Variants in DUSP6 observed in about 807,000 individuals in gnomAD.
DUSP6 encodes the protein dual specificity protein phosphatase 6.
A neutral mutation model predicts 28.0 loss-of-function variants in DUSP6; 6 were observed. The observed-to-expected ratio is 0.21, with a 90% confidence interval of 0.12 to 0.42. DUSP6 has a LOEUF of 0.42. Among genes scored for constraint, DUSP6 ranks in the 10% least tolerant of loss-of-function variants. The pLI, the probability that DUSP6 is intolerant of heterozygous loss-of-function variation, is 1.00. For synonymous variants in DUSP6, 252 were observed against 217.5 expected (o/e 1.16, Z -1.40); for missense variants, 451 against 498.1 (o/e 0.91, Z 0.90).
rs1592767156 is a variant in DUSP6 at position 89,351,024 on chromosome 12, A to T, written c.402T>A (p.Gly134=). 1.3e-6 allele frequency: 2 copies of T among 1,577,970 alleles called. No individual in the cohort carries two copies. Among genetic ancestry groups the T allele is most frequent in the East Asian group, 2.3e-5 (1 of 43,636 alleles). Residue 134 remains glycine (G), a splice_region_variant and synonymous_variant, in exon 2 of 3, where the codon GGT becomes GGA. Coordinates refer to ENST00000279488, the MANE Select transcript of DUSP6 (RefSeq NM_001946.4). ...ACTCGGCTTGGAACTTACTGAAGCC[A>T]CCTGCCAGAACGAGAAAAGCAATCA... ...DEGCRAFYLE[G]GFSKFQAEFS... is the part of the protein sequence containing the mutation.
At position 89,352,167 on chromosome 12, in the gene DUSP6, G is replaced by A. The variant is rs1367450610; in HGVS notation, c.-128C>T. 2.1e-6 allele frequency: 3 copies of A among 1,406,500 alleles called. No individual in the cohort carries two copies. The highest frequency in any genetic ancestry group is 1.9e-6 in the Non-Finnish European group (2 of 1,045,074). 87.1% of individuals were successfully genotyped at this position (1,406,500 alleles called of 1,614,324 possible). On this transcript the variant is annotated 5_prime_UTR_variant, in exon 1 of 3. Transcript: ENST00000279488. ...TTTAATTCCGCCTCGCCTTACCCAAGCCGAGGCTAGCGGTTGGGGCAGACG... is the reference window on the plus strand; with the variant it reads ...TTTAATTCCGCCTCGCCTTACCCAAACCGAGGCTAGCGGTTGGGGCAGACG...
Position 89,352,092 on chromosome 12 carries a change from A to T in DUSP6, c.-53T>A. On this transcript the variant is annotated 5_prime_UTR_variant, in exon 1 of 3. Coordinates refer to ENST00000279488, the MANE Select transcript of DUSP6 (RefSeq NM_001946.4). ...GTGCCTACCAGACGCCCCTCGGGGCAGGCATAGGCCGAGCGCACCGCGCGC... is the reference window on the plus strand; with the variant it reads ...GTGCCTACCAGACGCCCCTCGGGGCTGGCATAGGCCGAGCGCACCGCGCGC... 3 of 1,557,326 alleles carry T rather than the reference A, an allele frequency of 1.9e-6. No homozygotes were observed. The highest frequency in any genetic ancestry group is 1.7e-6 in the Non-Finnish European group (2 of 1,149,872).
chr12:89,350,524 A>T (rs1432577030), intron 2 of DUSP6, 64 bp downstream of exon 2: 1 of 1,490,704 alleles, frequency 6.7e-7, no homozygotes, highest in Non-Finnish European at 9.2e-7. Context: ...AACAGCTTAA[A>T]CTCTATGAAT....
Position 89,351,885 on chromosome 12 carries a change from G to A in DUSP6, c.155C>T (p.Ser52Leu), listed in dbSNP as rs768064247. 3.7e-6 allele frequency: 6 copies of A among 1,612,544 alleles called. No homozygotes were observed. The highest frequency in any genetic ancestry group is 2.2e-5 in the South Asian group (2 of 91,088). ...QELYESSHIE[S>L]AINVAIPGIM... is the part of the protein sequence containing the mutation. ...GCCCGGGATGGCCACGTTGATGGCC[G>A]ACTCGATGTGCGACGACTCGTATAG... The change falls in exon 1 of 3, where the codon TCG (serine) becomes TTG (leucine). Residue 52 changes from serine to leucine, a missense_variant. Ser to Leu is a moderately radical substitution (Grantham distance 145, BLOSUM62 -2). This residue lies in a region of DUSP6 where 347 missense variants were observed against 346.6 expected (regional missense o/e 1.00). Coordinates refer to ENST00000279488, the MANE Select transcript of DUSP6 (RefSeq NM_001946.4).
In DUSP6 at chr12:89,351,669, T is replaced by C; in HGVS notation, c.371A>G (p.Asp124Gly). Residue 124 changes from aspartate (D) to glycine (G), a missense_variant, in exon 1 of 3, where the codon GAC becomes GGC. Physicochemically the swap from Asp to Gly is moderately conservative, Grantham distance 94 (BLOSUM62 -1). This residue lies in a region of DUSP6 where 347 missense variants were observed against 346.6 expected (regional missense o/e 1.00). Coordinates refer to ENST00000279488, the MANE Select transcript of DUSP6 (RefSeq NM_001946.4). ...CAGGTAGAACGCCCGGCAGCCCTCG[T>C]CCTTGAGCTTCTTGAGCAGCAGCCC... ...VLGLLLKKLK[D>G]EGCRAFYLEG... The C allele has an allele frequency of 3.1e-6, 5 of 1,607,540 alleles. No homozygotes were observed. Among genetic ancestry groups the C allele is most frequent in the Non-Finnish European group, 4.2e-6 (5 of 1,177,564 alleles).
At chr12:89,351,275 T>G (rs1310114105) in intron 1 of DUSP6, 1 of 606,896 alleles carries the variant, frequency 1.6e-6, no homozygotes, top group Non-Finnish European at 2.8e-6. Context: ...TGGAATATTT[T>G]GAGAGCTAAG....
At chr12:89,351,053 A>T in intron 1 of DUSP6, 28 bp from the exon 2 acceptor site, 1 of 1,546,652 alleles carries the variant, frequency 6.5e-7, no homozygotes, top group Non-Finnish European at 8.7e-7. Context: ...GCAATCATCT[A>T]ACCTGAGAAG....
chr12:89,349,015 G>C lies in DUSP6; in HGVS notation c.*239C>G. ...CCCTGCATGGGTAGGCTGTACACAT[G>C]GGTACAGAGCAAACCTACTGCCTGT... On this transcript the variant is annotated 3_prime_UTR_variant, in exon 3 of 3. Coordinates refer to ENST00000279488, the MANE Select transcript of DUSP6 (RefSeq NM_001946.4). The C allele has an allele frequency of 2.0e-6, 1 of 499,562 alleles. No individual in the cohort carries two copies. Among genetic ancestry groups the C allele is most frequent in the Admixed American group, 3.3e-5 (1 of 29,886 alleles). 30.9% of individuals were successfully genotyped at this position (499,562 alleles called of 1,614,324 possible).
Position 89,352,327 on chromosome 12 carries a change from A to C in DUSP6, c.-288T>G. 4.5e-6 allele frequency: 2 copies of C among 445,644 alleles called. No homozygotes were observed. Among genetic ancestry groups the C allele is most frequent in the Non-Finnish European group, 8.1e-6 (2 of 245,970 alleles). The allele number at this position is 445,644 out of a possible 1,614,324, so 27.6% of individuals were successfully genotyped here. On this transcript the variant is annotated 5_prime_UTR_variant, in exon 1 of 3. Transcript: ENST00000279488. ...AGTGAATGAAATCCAATTAATTCGG[A>C]CTCCGTGCTACTGAGAGGGGAGGAA...
Position 89,351,621 on chromosome 12 carries a change from G to T in DUSP6, c.400+19C>A, listed in dbSNP as rs773372664. ...CGCCCCTAGCCCTGCCCCGCGCGCGGAGTTCCCTGGGCGCGTACCTTCCAG... is the reference window on the plus strand; with the variant it reads ...CGCCCCTAGCCCTGCCCCGCGCGCGTAGTTCCCTGGGCGCGTACCTTCCAG... On this transcript the variant is annotated intron_variant, in intron 1 of 2. Transcript: ENST00000279488. 63 of 1,581,672 alleles carry T rather than the reference G, an allele frequency of 4.0e-5. No homozygotes were observed. Among genetic ancestry groups the T allele is most frequent in the Non-Finnish European group, 1.2e-5 (14 of 1,162,066 alleles).
intron 1 of DUSP6, chr12:89,351,290 G>T: frequency 1.7e-6 from 1 of 587,444 alleles, no homozygotes; most frequent in Non-Finnish European, 3.0e-6. Flanking sequence ...GCTAAGATGT[G>T]CCAATTTGCA....
Position 89,348,516 on chromosome 12 carries a change from A to G in DUSP6, c.*738T>C, listed in dbSNP as rs762291221. ...CATGAAAAAGACTAAAGACTTCGCC[A>G]TAACAAGGTCTTAGTGATAATAGTG... On this transcript the variant is annotated 3_prime_UTR_variant, in exon 3 of 3. Coordinates refer to ENST00000279488, the MANE Select transcript of DUSP6 (RefSeq NM_001946.4). 1 of 152,440 alleles carries G rather than the reference A, an allele frequency of 6.6e-6. No individual in the cohort carries two copies. Among genetic ancestry groups the G allele is most frequent in the Non-Finnish European group, 1.5e-5 (1 of 68,042 alleles). 9.4% of individuals were successfully genotyped at this position (152,440 alleles called of 1,614,324 possible).
rs749296285 is a variant in DUSP6, at chr12:89,349,577, G to A, written c.839-16C>T. ...CGGGCTTCATCTGTGAACACAAAAAGAAAAGCAAGATCTCAGCAGACTGAA... is the reference window on the plus strand; with the variant it reads ...CGGGCTTCATCTGTGAACACAAAAAAAAAAGCAAGATCTCAGCAGACTGAA... On this transcript the variant is annotated splice_polypyrimidine_tract_variant and intron_variant, in intron 2 of 2. Coordinates refer to ENST00000279488, the MANE Select transcript of DUSP6 (RefSeq NM_001946.4). 1.4e-5 allele frequency: 22 copies of A among 1,590,110 alleles called. No homozygotes were observed. Among genetic ancestry groups the A allele is most frequent in the Admixed American group, 1.7e-5 (1 of 58,050 alleles).
chr12:89,349,897 T>C lies in DUSP6; in HGVS notation c.839-336A>G, dbSNP rs1468085499. ...TACACAGACAACCAGACTGCAAGGG[T>C]CTATTAAATTATGCTCCAAATGTTG... On this transcript the variant is annotated intron_variant, in intron 2 of 2. Transcript: ENST00000279488. Among the ~76,000 whole-genome samples, 4 of 152,230 alleles carry C rather than the reference T, an allele frequency of 2.6e-5. No homozygotes were observed. The South Asian group carries it at 6.2e-4, about 24-fold the overall frequency.
Position 89,348,360 on chromosome 12 carries a change from T to C in DUSP6, c.*894A>G, listed in dbSNP as rs551036963. 3 of 152,790 alleles carry C rather than the reference T, an allele frequency of 2.0e-5. No individual in the cohort carries two copies. Among genetic ancestry groups the C allele is most frequent in the South Asian group, 2.1e-4 (1 of 4,832 alleles). 9.5% of individuals were successfully genotyped at this position (152,790 alleles called of 1,614,324 possible). On this transcript the variant is annotated 3_prime_UTR_variant, in exon 3 of 3. Coordinates refer to ENST00000279488, the MANE Select transcript of DUSP6 (RefSeq NM_001946.4). Reference sequence around the variant, plus strand: ...CACAGCTGAAGGTTTTTTTATTCTTTCTTTTTTTAAAGTGAGCCCATGATT... The same window carrying C: ...CACAGCTGAAGGTTTTTTTATTCTTCCTTTTTTTAAAGTGAGCCCATGATT...
chr12:89,349,826 G>A (rs747387034), intron 2 of DUSP6, among the ~76,000 whole-genome samples: 1 of 152,090 alleles, frequency 6.6e-6, no homozygotes, highest in Non-Finnish European at 1.5e-5. Context: ...TCTTTGCCTC[G>A]GCATGTGAAT....
chr12:89,349,291 T>C lies in DUSP6; in HGVS notation c.1109A>G (p.Gln370Arg). The C allele has an allele frequency of 6.2e-7, 1 of 1,613,940 alleles. No individual in the cohort carries two copies. Among genetic ancestry groups the C allele is most frequent in the South Asian group, 1.1e-5 (1 of 91,084 alleles). Residue 370 changes from glutamine (Q) to arginine (R), a missense_variant, in exon 3 of 3, where the codon CAG becomes CGG. This residue lies in a region of DUSP6 where 104 missense variants were observed against 151.4 expected (regional missense o/e 0.69). Transcript: ENST00000279488. ...CAGAGAGTCCACCTGGTATACATTCTGGTTGGAAGGGGTGGTAAAATACAG... is the reference window on the plus strand; with the variant it reads ...CAGAGAGTCCACCTGGTATACATTCCGGTTGGAAGGGGTGGTAAAATACAG... ...QQLYFTTPSN[Q>R]NVYQVDSLQS...
rs1565876043 is a variant in DUSP6, at chr12:89,352,018, C to T, written c.22G>A (p.Val8Met). 2 of 1,612,340 alleles carry T rather than the reference C, an allele frequency of 1.2e-6. No homozygotes were observed. The highest frequency in any genetic ancestry group is 1.7e-6 in the Non-Finnish European group (2 of 1,179,448). The change falls in exon 1 of 3, where the codon GTG becomes ATG. Residue 8 changes from valine (V) to methionine (M), a missense_variant. Val to Met is a conservative substitution (Grantham distance 21, BLOSUM62 1). Transcript: ENST00000279488. MIDTLRP[V>M]PFASEMAISK... ...ATCGCCATTTCCGACGCGAAGGGCACGGGTCTGAGCGTATCTATCATGGGG... is the reference window on the plus strand; with the variant it reads ...ATCGCCATTTCCGACGCGAAGGGCATGGGTCTGAGCGTATCTATCATGGGG...
At position 89,350,748 on chromosome 12, in the gene DUSP6, G is replaced by T. The variant is rs757196365; in HGVS notation, c.678C>A (p.Asp226Glu). The change falls in exon 2 of 3, where the codon GAC becomes GAA. Residue 226 changes from aspartate (D) to glutamate (E), a missense_variant. This residue lies in a region of DUSP6 where 347 missense variants were observed against 346.6 expected (regional missense o/e 1.00). Coordinates refer to ENST00000279488, the MANE Select transcript of DUSP6 (RefSeq NM_001946.4). Reference protein sequence around the residue: ...LGCAKDSTNLDVLEEFGIKYI... With the variant: ...LGCAKDSTNLEVLEEFGIKYI... ...ACTTGATGCCGAATTCCTCCAACAC[G>T]TCCAAGTTGGTGGAGTCTTTGGCAC... 1.9e-6 allele frequency: 3 copies of T among 1,614,084 alleles called. No homozygotes were observed. The highest frequency in any genetic ancestry group is 2.5e-6 in the Non-Finnish European group (3 of 1,180,028).
Sources: gnomAD v4.1 joint callset for allele counts (sites outside exome capture counted in the v4.1 genomes callset) on GRCh38, gnomAD v4.1.1 for gene constraint, gnomAD v4.1.1 regional missense constraint, MANE v1.5 for transcripts, NCBI Gene and HGNC (gene_info 2026-07-23, HGNC 2026-07-21) for gene names.